PDS5A: variants seen among roughly 807,000 people sequenced by gnomAD.
PDS5A encodes the protein PDS5 cohesin associated factor A.
PDS5A carries 42 observed loss-of-function variants against 167.1 expected under a neutral mutation model. That is an observed-to-expected ratio of 0.25 (90% confidence interval 0.20 to 0.33). The LOEUF is 0.33. PDS5A is among the 10% of genes least tolerant of loss of function. PDS5A has a pLI of 1.00. For missense variants in PDS5A, 1,033 were observed against 1,605.9 expected, an observed-to-expected ratio of 0.64 and a Z score of 6.10; for synonymous variants, 553 against 554.6, an observed-to-expected ratio of 1.00 and a Z score of 0.04.
Position 39,961,214 on chromosome 4 carries a change from T to C in PDS5A, c.138+15226A>G, listed in dbSNP as rs4627876. Among the ~76,000 whole-genome samples the C allele has an allele frequency of 4.5e-3, 691 of 152,320 alleles. 3 individuals are homozygous for C. The highest frequency in any genetic ancestry group is 0.01 in the Middle Eastern group (3 of 294). On this transcript the variant is annotated intron_variant, in intron 2 of 32. Coordinates refer to ENST00000303538, the MANE Select transcript of PDS5A (RefSeq NM_001100399.2). ...CTGAAAAGTATAATCTTGGATTTCA[T>C]ATATTGTAAAAACTCCACTCACTCC...
In PDS5A at chr4:39,879,805, T is replaced by C. The variant is rs1720785416; in HGVS notation, c.1915A>G (p.Ile639Val). Residue 639 changes from isoleucine to valine, a missense_variant, in exon 18 of 33, where the codon ATA becomes GTA. This residue lies in a region of PDS5A where 367 missense variants were observed against 686.7 expected (regional missense o/e 0.53). Transcript: ENST00000303538. ...TCTTCATCATCTGCTGTCCCCTCTA[T>C]TGACTTATTCATCAATTTCACTAGT... ...SALVKLMNKS[I>V]EGTADDEEEG... The C allele has an allele frequency of 3.7e-6, 6 of 1,610,444 alleles. No individual in the cohort carries two copies. The highest frequency in any genetic ancestry group is 1.6e-4 in the Middle Eastern group (1 of 6,076).
rs1037820973 is a variant in PDS5A, at chr4:39,977,568, G to GCCA, written c.-153_-152insTGG. On this transcript the variant is annotated 5_prime_UTR_variant, in exon 1 of 33. Coordinates refer to ENST00000303538, the MANE Select transcript of PDS5A (RefSeq NM_001100399.2). The surrounding 1 kb of genome is among the most constrained non-coding windows in gnomAD (Gnocchi z 4.2). Reference sequence around the variant, plus strand: ...AAGCGGCTCCGCGGGTCCCGCCGCCGCCGCCGCCGCCGCCCGCCCGCCCGG... The same window carrying GCCA: ...AAGCGGCTCCGCGGGTCCCGCCGCCGCCACCGCCGCCGCCGCCCGCCCGCCCGG... The GCCA allele has an allele frequency of 2.8e-4, 45 of 162,174 alleles. No individual in the cohort carries two copies. Among genetic ancestry groups the GCCA allele is most frequent in the Non-Finnish European group, 4.4e-4 (34 of 76,744 alleles). The allele number at this position is 162,174 out of a possible 1,614,324, so 10.0% of individuals were successfully genotyped here.
intron 1 of PDS5A, 73 bp from the exon 2 acceptor site, chr4:39,976,690 C>G: frequency 2.6e-6 from 2 of 772,818 alleles, no homozygotes; most frequent in East Asian, 2.8e-5. Flanking sequence ...TCAAATCTCT[C>G]TAATCTGGAA....
At chr4:39,839,754 T>TG (rs3070809) in intron 31 of PDS5A, among the ~76,000 whole-genome samples, 6,836 of 107,284 alleles carry the variant, frequency 0.064, 285 homozygotes, top group African/African-American at 0.077. Flanking sequence ...AATATGATTC[T>TG]GGGGGGGGGG....
intron 2 of PDS5A, among the ~76,000 whole-genome samples, chr4:39,953,427 T>G (rs946399017): frequency 2.6e-5 from 4 of 151,962 alleles, no homozygotes; most frequent in Non-Finnish European, 5.9e-5. Context: ...AATCAGTTTT[T>G]TTTTTTTTTT....
chr4:39,949,821 G>GGAAAAAAAAAAAAAA (rs747625236), intron 2 of PDS5A, among the ~76,000 whole-genome samples: 6 of 67,186 alleles, frequency 8.9e-5, no homozygotes, highest in Non-Finnish European at 1.3e-4. Context: ...CTCTGTCTCA[G>GGAAAAAAAAAAAAAA]AAAAAAAAAA....
chr4:39,839,524 G>A (rs370419314), intron 31 of PDS5A, among the ~76,000 whole-genome samples: 1 of 151,960 alleles, frequency 6.6e-6, no homozygotes. Flanking sequence ...AGCCGAGATC[G>A]CGCCACTGCA....
At chr4:39,911,143 G>A (rs538721315) in intron 9 of PDS5A, among the ~76,000 whole-genome samples, 6 of 152,132 alleles carry the variant, frequency 3.9e-5, no homozygotes, top group Admixed American at 2.0e-4. Context: ...AAAACAAGAC[G>A]AAAGGTTTAT....
At chr4:39,931,575 C>A (rs1726068969) in intron 2 of PDS5A, among the ~76,000 whole-genome samples, 1 of 152,156 alleles carries the variant, frequency 6.6e-6, no homozygotes, top group African/African-American at 2.4e-5. Context: ...GGCTTCAGTT[C>A]CACACTACAT....
At chr4:39,973,076 G>T in intron 2 of PDS5A, 2 of 710,944 alleles carry the variant, frequency 2.8e-6, no homozygotes, top group Non-Finnish European at 2.5e-6. Flanking sequence ...TCGATGTTTA[G>T]ATATTTTTCT....
In PDS5A at chr4:39,885,067, AGCCTGGCCAAGATGGT is replaced by A. The variant is rs1201904138; in HGVS notation, c.1886+5166_1886+5181del. Among the ~76,000 whole-genome samples, 10 of 151,938 alleles carry A rather than the reference AGCCTGGCCAAGATGGT, an allele frequency of 6.6e-5. No individual in the cohort carries two copies. The East Asian group carries it at 1.5e-3, about 23-fold the overall frequency. ...TGCTTGAGCACAGGAGCTCGAGACC[AGCCTGGCCAAGATGGT>A]GAAACCCTGCTCTACTAAAAATACA... On this transcript the variant is annotated intron_variant, in intron 17 of 32. Transcript: ENST00000303538.
chr4:39,976,009 T>C (rs888284109), intron 2 of PDS5A: 1 of 153,152 alleles, frequency 6.5e-6, no homozygotes, highest in East Asian at 1.9e-4. Flanking sequence ...TTAACCACCA[T>C]ATATACATAT....
At chr4:39,925,190 AC>A (rs2109727718) in intron 5 of PDS5A, among the ~76,000 whole-genome samples, 1 of 152,234 alleles carries the variant, frequency 6.6e-6, no homozygotes, top group East Asian at 1.9e-4. Context: ...CCAAACCAAA[AC>A]AAAACAAAAA....
intron 17 of PDS5A, among the ~76,000 whole-genome samples, chr4:39,886,917 G>A (rs542266075): frequency 2.1e-4 from 31 of 150,742 alleles, no homozygotes; most frequent in South Asian, 1.5e-3. Context: ...TTGATTTTTC[G>A]GATTGTTTGC....
intron 31 of PDS5A, among the ~76,000 whole-genome samples, chr4:39,840,709 C>G (rs564840464): frequency 6.6e-5 from 10 of 152,116 alleles, no homozygotes; most frequent in African/African-American, 2.4e-4. Flanking sequence ...TCCCGCATAG[C>G]TGGGACTCCA....
At chr4:39,909,988 C>T (rs1723756409) in intron 10 of PDS5A, 1 of 316,942 alleles carries the variant, frequency 3.2e-6, no homozygotes, top group Non-Finnish European at 5.7e-6. Flanking sequence ...CTGTAATACT[C>T]GGGATCTCAA....
intron 32 of PDS5A, among the ~76,000 whole-genome samples, chr4:39,829,378 T>C (rs1157931371): frequency 6.6e-6 from 1 of 152,120 alleles, no homozygotes; most frequent in East Asian, 1.9e-4. Flanking sequence ...AGGCCGGGCA[T>C]GGTGGCTCAC....
chr4:39,975,158 A>T (rs1472706093), intron 2 of PDS5A, among the ~76,000 whole-genome samples: 1 of 151,406 alleles, frequency 6.6e-6, no homozygotes, highest in Non-Finnish European at 1.5e-5. Context: ...ACACGCTGGT[A>T]GTCCCAGCTA....
At chr4:39,904,253 A>C (rs1723115789) in intron 11 of PDS5A, 62 bp from the exon 12 acceptor site, 1 of 1,240,600 alleles carries the variant, frequency 8.1e-7, no homozygotes, top group South Asian at 1.5e-5. Context: ...ATCTCCAAAG[A>C]CTGCCTTGGC....
Sources: allele counts gnomAD v4.1 joint callset (sites outside exome capture counted in the v4.1 genomes callset), GRCh38; gene constraint gnomAD v4.1.1; regional missense constraint gnomAD v4.1.1; non-coding constraint Gnocchi (gnomAD v3.1); transcripts MANE v1.5; gene names NCBI Gene and HGNC (gene_info 2026-07-23, HGNC 2026-07-21).